Variants in PCP4 observed in about 807,000 individuals in gnomAD.
PCP4 encodes the protein Purkinje cell protein 4, also known as calmodulin regulator protein PCP4.
In PCP4, 8 loss-of-function variants were observed where a neutral mutation model predicts 10.0. The ratio of observed to expected loss-of-function variants is 0.80; its 90% confidence interval spans 0.47 to 1.45. PCP4 has a LOEUF of 1.45. Among genes scored for constraint, PCP4 ranks in the 40% most tolerant of loss-of-function variants. The pLI is 0.00. For missense variants in PCP4, 54 were observed against 74.4 expected (o/e 0.73, Z 1.01); for synonymous variants, 21 against 23.0 (o/e 0.91, Z 0.24).
At chr21:39,891,800 C>A (rs1244296884) in intron 1 of PCP4, among the ~76,000 whole-genome samples, 1 of 152,204 alleles carries the variant, frequency 6.6e-6, no homozygotes, top group Non-Finnish European at 1.5e-5. Context: ...CAGCATAGGT[C>A]AGCGTTTTCT....
intron 1 of PCP4, among the ~76,000 whole-genome samples, chr21:39,869,024 A>G (rs569875636): frequency 6.6e-6 from 1 of 152,298 alleles, no homozygotes; most frequent in South Asian, 2.1e-4. Context: ...GATATTTCAG[A>G]AGCTTCTGTG....
At chr21:39,909,914 G>T (rs2087531518) in intron 2 of PCP4, among the ~76,000 whole-genome samples, 1 of 151,710 alleles carries the variant, frequency 6.6e-6, no homozygotes, top group Admixed American at 6.6e-5. Flanking sequence ...TCCTGCCTCA[G>T]CCACCCGAGT....
In PCP4 at chr21:39,906,690, G is replaced by A. The variant is rs138722730; in HGVS notation, c.61+8163G>A. ...GGACAGCTTTAGATCAGCTGAAATA[G>A]AATTTCATTCCACATCATACAGAGA... On this transcript the variant is annotated intron_variant, in intron 2 of 2. Transcript: ENST00000328619. The surrounding 1 kb of genome is among the most constrained non-coding windows in gnomAD (Gnocchi z 6.3). 5.1e-3 allele frequency among the ~76,000 whole-genome samples: 778 copies of A among 151,896 alleles called. 2 individuals carry two copies. Among genetic ancestry groups the A allele is most frequent in the Non-Finnish European group, 8.3e-3 (562 of 67,956 alleles).
intron 2 of PCP4, among the ~76,000 whole-genome samples, chr21:39,917,656 A>C (rs764102091): frequency 2.0e-5 from 3 of 152,192 alleles, no homozygotes; most frequent in Non-Finnish European, 1.5e-5. Flanking sequence ...GACCACAGTC[A>C]AGAGTCATGA....
At chr21:39,922,669 C>A (rs899099319) in intron 2 of PCP4, among the ~76,000 whole-genome samples, 1 of 152,160 alleles carries the variant, frequency 6.6e-6, no homozygotes, top group Non-Finnish European at 1.5e-5. Context: ...GGTTTCTGCT[C>A]AGAGGGAAAA....
chr21:39,897,568 G>A (rs2087462917), intron 1 of PCP4, among the ~76,000 whole-genome samples: 1 of 152,036 alleles, frequency 6.6e-6, no homozygotes, highest in African/African-American at 2.4e-5. Context: ...ATTTCACGCG[G>A]CTCCCCAGAC....
chr21:39,918,771 C>T (rs1362708407), intron 2 of PCP4, among the ~76,000 whole-genome samples: 5 of 152,244 alleles, frequency 3.3e-5, no homozygotes, highest in South Asian at 2.1e-4. Flanking sequence ...CAGGCAGGAA[C>T]GAGAAGTGGC....
intron 2 of PCP4, among the ~76,000 whole-genome samples, chr21:39,901,698 T>G (rs1396851111): frequency 2.0e-5 from 3 of 152,368 alleles, no homozygotes; most frequent in Non-Finnish European, 4.4e-5. Context: ...TAAATGATAG[T>G]CACTTTTGGG....
intron 1 of PCP4, among the ~76,000 whole-genome samples, chr21:39,871,304 G>A (rs1389219990): frequency 6.6e-6 from 1 of 152,216 alleles, no homozygotes; most frequent in Non-Finnish European, 1.5e-5. Context: ...ATCCTAAGAA[G>A]AGAAAGATTA....
intron 1 of PCP4, among the ~76,000 whole-genome samples, chr21:39,869,451 T>G (rs1229257201): frequency 6.6e-6 from 1 of 152,224 alleles, no homozygotes; most frequent in African/African-American, 2.4e-5. Flanking sequence ...AGCTCTTGCC[T>G]TAGTTCCTTT....
At chr21:39,921,120 A>G (rs960432239) in intron 2 of PCP4, among the ~76,000 whole-genome samples, 3 of 152,208 alleles carry the variant, frequency 2.0e-5, no homozygotes, top group Non-Finnish European at 2.9e-5. Context: ...CGAACTCATG[A>G]ATTTGGTATA....
At chr21:39,881,194 T>C (rs1226708759) in intron 1 of PCP4, among the ~76,000 whole-genome samples, 1 of 152,192 alleles carries the variant, frequency 6.6e-6, no homozygotes, top group East Asian at 1.9e-4. Flanking sequence ...GCTTCTACTG[T>C]TTTCTGAAGC....
In PCP4 at chr21:39,888,177, C is replaced by T. The variant is rs578236185; in HGVS notation, c.10-10299C>T. ...AGAAGACACAGCACCGGGGGATAGACGCTGTTAAGTAGCACTTGCTAACAA... is the reference window on the plus strand; with the variant it reads ...AGAAGACACAGCACCGGGGGATAGATGCTGTTAAGTAGCACTTGCTAACAA... On this transcript the variant is annotated intron_variant, in intron 1 of 2. Transcript: ENST00000328619. Among the ~76,000 whole-genome samples the T allele has an allele frequency of 2.6e-5, 4 of 152,322 alleles. No homozygotes were observed. The East Asian group carries it at 7.7e-4, about 29-fold the overall frequency.
intron 1 of PCP4, among the ~76,000 whole-genome samples, chr21:39,895,513 T>C (rs1160477643): frequency 6.6e-6 from 1 of 152,234 alleles, no homozygotes; most frequent in African/African-American, 2.4e-5. Flanking sequence ...TACTGAGAGA[T>C]GCTTAAGTAC....
intron 1 of PCP4, among the ~76,000 whole-genome samples, chr21:39,880,862 T>G (rs577199217): frequency 6.6e-6 from 1 of 152,210 alleles, no homozygotes; most frequent in Non-Finnish European, 1.5e-5. Flanking sequence ...TGGAAAACAA[T>G]GTTTAAATTG....
At chr21:39,895,093 A>G (rs2087450793) in intron 1 of PCP4, among the ~76,000 whole-genome samples, 1 of 151,716 alleles carries the variant, frequency 6.6e-6, no homozygotes, top group Non-Finnish European at 1.5e-5. Context: ...CCACCCACCC[A>G]TCCATCCATC....
intron 2 of PCP4, among the ~76,000 whole-genome samples, chr21:39,917,549 G>C (rs1343597906): frequency 6.6e-6 from 1 of 152,150 alleles, no homozygotes; most frequent in African/African-American, 2.4e-5. Context: ...CCTCTGCATT[G>C]GGATGGCCCT....
rs1439712360 is a variant in PCP4, at chr21:39,919,015, G to A, written c.62-9969G>A. ...TTGTTATAATTTTTTTTCCTCTGGAGGAATTGACCTTTTCTCCAACACTAG... is the reference window on the plus strand; with the variant it reads ...TTGTTATAATTTTTTTTCCTCTGGAAGAATTGACCTTTTCTCCAACACTAG... On this transcript the variant is annotated intron_variant, in intron 2 of 2. Transcript: ENST00000328619. Among the ~76,000 whole-genome samples the A allele has an allele frequency of 2.6e-5, 4 of 152,294 alleles. No individual in the cohort carries two copies. In the East Asian group the frequency reaches 7.7e-4, roughly 29 times the overall value.
intron 1 of PCP4, among the ~76,000 whole-genome samples, chr21:39,895,460 C>G (rs979929556): frequency 1.3e-5 from 2 of 152,196 alleles, no homozygotes; most frequent in African/African-American, 4.8e-5. Context: ...CTCCTAACTC[C>G]CCACCCGCTG....
Sources: allele counts gnomAD v4.1 joint callset (sites outside exome capture counted in the v4.1 genomes callset), GRCh38; gene constraint gnomAD v4.1.1; non-coding constraint Gnocchi (gnomAD v3.1); transcripts MANE v1.5; gene names NCBI Gene and HGNC (gene_info 2026-07-23, HGNC 2026-07-21).